Variants in PDE4D observed in about 807,000 individuals in gnomAD.
The protein encoded by PDE4D is 3',5'-cyclic-AMP phosphodiesterase 4D.
In PDE4D, 24 loss-of-function variants were observed where a neutral mutation model predicts 87.4. The observed-to-expected ratio is 0.27, with a 90% CI of 0.20 to 0.39. The LOEUF (loss-of-function observed/expected upper bound fraction) is 0.39. Among genes scored for constraint, PDE4D ranks in the 10% least tolerant of loss-of-function variants. The pLI is 1.00. For synonymous variants in PDE4D, 384 were observed against 383.2 expected (o/e 1.00, Z -0.02); for missense variants, 714 against 1,041.0 (o/e 0.69, Z 4.32).
At chr5:60,494,178 A>T (rs1041390209) in intron 1 of PDE4D, among the ~76,000 whole-genome samples, 2 of 152,200 alleles carry the variant, frequency 1.3e-5, no homozygotes, top group Non-Finnish European at 2.9e-5. Context: ...AAAGCTTTGC[A>T]TGGGGCCTGG....
chr5:59,489,905 T>A (rs1484841277), intron 1 of PDE4D, among the ~76,000 whole-genome samples: 1 of 152,184 alleles, frequency 6.6e-6, no homozygotes, highest in Non-Finnish European at 1.5e-5. Flanking sequence ...ACACATATAG[T>A]AATGATAATA....
At chr5:60,205,950 C>G (rs564164621) in intron 1 of PDE4D, among the ~76,000 whole-genome samples, 1 of 152,212 alleles carries the variant, frequency 6.6e-6, no homozygotes, top group South Asian at 2.1e-4. Flanking sequence ...CATAAATGTA[C>G]TTCATTTTGA....
chr5:59,626,891 A>G (rs1830963697), intron 1 of PDE4D, among the ~76,000 whole-genome samples: 1 of 152,106 alleles, frequency 6.6e-6, no homozygotes, highest in South Asian at 2.1e-4. Context: ...AAGATCTTTA[A>G]TTTCTGTCTT....
At chr5:59,684,875 C>T (rs1427542781) in intron 1 of PDE4D, among the ~76,000 whole-genome samples, 2 of 152,202 alleles carry the variant, frequency 1.3e-5, no homozygotes, top group African/African-American at 2.4e-5. Flanking sequence ...ATCAAGGATG[C>T]TCTCACCAAT....
intron 1 of PDE4D, among the ~76,000 whole-genome samples, chr5:60,249,922 T>C (rs1748236464): frequency 6.6e-6 from 1 of 152,044 alleles, no homozygotes; most frequent in Non-Finnish European, 1.5e-5. Flanking sequence ...AATGCATTTA[T>C]GATGCCATAT....
chr5:59,292,884 AAGG>A (rs1217198510), intron 1 of PDE4D, among the ~76,000 whole-genome samples: 1 of 152,146 alleles, frequency 6.6e-6, no homozygotes, highest in Admixed American at 6.6e-5. Context: ...TGATTCATGC[AAGG>A]AGATGTATTT....
intron 3 of PDE4D, among the ~76,000 whole-genome samples, chr5:59,928,215 A>G (rs1361566006): frequency 1.3e-5 from 2 of 152,226 alleles, no homozygotes; most frequent in Non-Finnish European, 2.9e-5. Flanking sequence ...ATTAAAATGA[A>G]AGACATTTGA....
chr5:60,197,045 A>ATAGT (rs1450400773), intron 1 of PDE4D, among the ~76,000 whole-genome samples: 4 of 99,230 alleles, frequency 4.0e-5, no homozygotes, highest in South Asian at 6.9e-4. Flanking sequence ...AGATAGATAG[A>ATAGT]TAGATAGATA....
intron 2 of PDE4D, among the ~76,000 whole-genome samples, chr5:60,056,439 C>T (rs1770788098): frequency 6.6e-6 from 1 of 151,902 alleles, no homozygotes; most frequent in East Asian, 1.9e-4. Flanking sequence ...CATAGCCAGC[C>T]ACAGGGATCA....
At chr5:59,240,669 A>G (rs1368105247) in intron 1 of PDE4D, among the ~76,000 whole-genome samples, 2 of 152,138 alleles carry the variant, frequency 1.3e-5, no homozygotes, top group Non-Finnish European at 2.9e-5. Context: ...GTCATTCTAA[A>G]ACATAGCCAC....
At chr5:59,078,659 C>T (rs1194751480) in intron 5 of PDE4D, among the ~76,000 whole-genome samples, 1 of 152,026 alleles carries the variant, frequency 6.6e-6, no homozygotes, top group Non-Finnish European at 1.5e-5. Flanking sequence ...CAGGCACATG[C>T]CACCATGCCC....
chr5:59,720,815 C>G lies in PDE4D; in HGVS notation c.455+172353G>C, dbSNP rs1156454827. ...TTTGCTGGTTCTCAGGGGTCAAGGC[C>G]CAGAGTGGCTGAAAATGAAATTACA... On this transcript the variant is annotated intron_variant, in intron 1 of 14. Transcript: ENST00000340635. Among the ~76,000 whole-genome samples the G allele has an allele frequency of 2.6e-5, 4 of 151,984 alleles. No individual in the cohort carries two copies. In the South Asian group the frequency reaches 6.3e-4, roughly 24 times the overall value.
intron 2 of PDE4D, among the ~76,000 whole-genome samples, chr5:60,142,408 TA>T (rs1780613344): frequency 6.6e-6 from 1 of 152,158 alleles, no homozygotes; most frequent in Non-Finnish European, 1.5e-5. Context: ...TCAGAAAGAT[TA>T]AGTGACTCTG....
intron 1 of PDE4D, among the ~76,000 whole-genome samples, chr5:59,464,424 T>A (rs1307160099): frequency 6.6e-6 from 1 of 152,224 alleles, no homozygotes; most frequent in Non-Finnish European, 1.5e-5. Context: ...ATTGAGATGT[T>A]TATGTGTATG....
intron 1 of PDE4D, among the ~76,000 whole-genome samples, chr5:60,326,873 AT>A (rs1339711767): frequency 6.6e-6 from 1 of 152,196 alleles, no homozygotes; most frequent in African/African-American, 2.4e-5. Flanking sequence ...AAATCAAATT[AT>A]AGAGGACAAA....
intron 1 of PDE4D, among the ~76,000 whole-genome samples, chr5:59,627,745 T>C (rs900884031): frequency 6.6e-6 from 1 of 152,210 alleles, no homozygotes; most frequent in Non-Finnish European, 1.5e-5. Flanking sequence ...CTGCCAACAA[T>C]GAGAGATGTT....
intron 5 of PDE4D, among the ~76,000 whole-genome samples, chr5:59,115,351 G>T (rs1773423900): frequency 6.6e-6 from 1 of 152,148 alleles, no homozygotes; most frequent in Non-Finnish European, 1.5e-5. Flanking sequence ...AAATAGCTAT[G>T]TCTGTGGTTT....
chr5:59,629,849 C>G (rs71627966), intron 1 of PDE4D, among the ~76,000 whole-genome samples: 1 of 152,162 alleles, frequency 6.6e-6, no homozygotes, highest in Non-Finnish European at 1.5e-5. Flanking sequence ...AAATATTGCT[C>G]TTATGTGGCA....
chr5:59,282,208 G>C (rs1254937939), intron 1 of PDE4D, among the ~76,000 whole-genome samples: 1 of 151,920 alleles, frequency 6.6e-6, no homozygotes, highest in Non-Finnish European at 1.5e-5. Flanking sequence ...CCAATCTCAA[G>C]GGATAAAGCA....
Sources: allele counts gnomAD v4.1 joint callset (sites outside exome capture counted in the v4.1 genomes callset), GRCh38; gene constraint gnomAD v4.1.1; transcripts MANE v1.5; gene names NCBI Gene and HGNC (gene_info 2026-07-23, HGNC 2026-07-21).